Variants in HYCC1 observed in about 807,000 individuals in gnomAD.
The protein encoded by HYCC1 is hyccin PI4KA lipid kinase complex subunit 1, also known as hyccin.
chr7:22,905,068 A>G, the HYCC1 span, among the ~76,000 whole-genome samples: 1 of 152,116 alleles, frequency 6.6e-6, no homozygotes, highest in Non-Finnish European at 1.5e-5. Flanking sequence ...GGGGCCACAC[A>G]GTTTTAAAAA....
chr7:22,980,677 G>A, the HYCC1 span, among the ~76,000 whole-genome samples: 36 of 152,132 alleles, frequency 2.4e-4, 1 homozygote, highest in South Asian at 7.1e-3. Flanking sequence ...AGGAACATTG[G>A]GTAAGAAAAA....
At chr7:22,997,944 G>A in the HYCC1 span, among the ~76,000 whole-genome samples, 2 of 152,254 alleles carry the variant, frequency 1.3e-5, no homozygotes. Flanking sequence ...TCAGTGTGCT[G>A]TGGCAACCAG....
the HYCC1 span, among the ~76,000 whole-genome samples, chr7:23,009,171 A>G: frequency 1.3e-5 from 2 of 152,260 alleles, no homozygotes; most frequent in East Asian, 3.9e-4. Flanking sequence ...GGACACTAAT[A>G]GATATTTCAT....
At chr7:22,928,140 T>TCA in the HYCC1 span, among the ~76,000 whole-genome samples, 1 of 152,154 alleles carries the variant, frequency 6.6e-6, no homozygotes, top group Middle Eastern at 3.2e-3. Flanking sequence ...CAACAACCCT[T>TCA]CATGCTAAAA....
chr7:23,014,021 C>T, the HYCC1 span: 1 of 471,024 alleles, frequency 2.1e-6, no homozygotes, highest in Non-Finnish European at 4.4e-6. Flanking sequence ...AGTAGCAGCA[C>T]CACCTGCTCC....
chr7:22,986,574 G>A, the HYCC1 span, among the ~76,000 whole-genome samples: 3 of 152,338 alleles, frequency 2.0e-5, no homozygotes, highest in East Asian at 1.9e-4. Flanking sequence ...GACGCTGGGC[G>A]CGATGGCTCA....
At chr7:23,000,347 C>T in the HYCC1 span, among the ~76,000 whole-genome samples, 2 of 151,842 alleles carry the variant, frequency 1.3e-5, no homozygotes, top group Admixed American at 6.6e-5. Context: ...AAGATATCAA[C>T]CAAATAATAT....
the HYCC1 span, among the ~76,000 whole-genome samples, chr7:22,961,554 T>A: frequency 2.6e-5 from 4 of 152,292 alleles, no homozygotes; most frequent in Non-Finnish European, 2.9e-5. Flanking sequence ...CTAAAGAACA[T>A]GACTATTTAT....
chr7:23,012,728 G>A, the HYCC1 span, among the ~76,000 whole-genome samples: 2 of 152,162 alleles, frequency 1.3e-5, no homozygotes, highest in East Asian at 1.9e-4. Flanking sequence ...CGGGGGAGGT[G>A]GGGTGCCTGT....
At chr7:22,974,108 T>A in the HYCC1 span, among the ~76,000 whole-genome samples, 2 of 152,180 alleles carry the variant, frequency 1.3e-5, no homozygotes, top group African/African-American at 4.8e-5. Flanking sequence ...TGCTGCATTG[T>A]TACTCCTTAA....
chr7:22,974,203 G>A, the HYCC1 span, among the ~76,000 whole-genome samples: 1 of 152,122 alleles, frequency 6.6e-6, no homozygotes, highest in African/African-American at 2.4e-5. Context: ...GAAAAGCAAG[G>A]AAAGCTAAAC....
chr7:22,922,526 G>C, the HYCC1 span, among the ~76,000 whole-genome samples: 1 of 152,142 alleles, frequency 6.6e-6, no homozygotes, highest in African/African-American at 2.4e-5. Context: ...GCTGTATATT[G>C]CTAGCCCAAG....
the HYCC1 span, among the ~76,000 whole-genome samples, chr7:22,925,339 T>C: frequency 6.6e-6 from 1 of 151,950 alleles, no homozygotes; most frequent in Non-Finnish European, 1.5e-5. Flanking sequence ...GGAGAATAAC[T>C]TTGATGAGTT....
chr7:22,920,563 A>C, the HYCC1 span, among the ~76,000 whole-genome samples: 3 of 152,134 alleles, frequency 2.0e-5, no homozygotes, highest in Non-Finnish European at 4.4e-5. Context: ...ATTCTCAAAT[A>C]AACAAAACTG....
the HYCC1 span, among the ~76,000 whole-genome samples, chr7:22,979,707 T>C: frequency 6.6e-6 from 1 of 152,168 alleles, no homozygotes; most frequent in Admixed American, 6.6e-5. Flanking sequence ...ATTGCAAAAT[T>C]ATGAAATCTT....
chr7:22,992,798 C>T, the HYCC1 span, among the ~76,000 whole-genome samples: 3 of 152,036 alleles, frequency 2.0e-5, no homozygotes, highest in Non-Finnish European at 4.4e-5. Flanking sequence ...CATCAAGTTA[C>T]ATAGAAATGG....
chr7:22,963,947 G>A, the HYCC1 span, among the ~76,000 whole-genome samples: 2 of 152,110 alleles, frequency 1.3e-5, no homozygotes, highest in African/African-American at 2.4e-5. Context: ...TAGTACCCAA[G>A]TCATCAGGTA....
chr7:22,946,968 A>T, the HYCC1 span: 1 of 1,548,406 alleles, frequency 6.5e-7, no homozygotes, highest in Non-Finnish European at 8.7e-7. Flanking sequence ...GTGCAGTTAT[A>T]AAGTGCTCTG....
At chr7:22,907,704 G>A in the HYCC1 span, among the ~76,000 whole-genome samples, 1 of 152,130 alleles carries the variant, frequency 6.6e-6, no homozygotes, top group South Asian at 2.1e-4. Context: ...GATGTCAGGA[G>A]TTTGAGACCA....
Sources: allele counts gnomAD v4.1 joint callset (sites outside exome capture counted in the v4.1 genomes callset), GRCh38; gene constraint gnomAD v4.1.1; transcripts MANE v1.5; gene names NCBI Gene and HGNC (gene_info 2026-07-23, HGNC 2026-07-21).